Variants in SGCD observed in about 807,000 individuals in gnomAD.
The protein encoded by SGCD is delta-sarcoglycan.
In SGCD, 18 loss-of-function variants were observed where a neutral mutation model predicts 36.6. The ratio of observed to expected loss-of-function variants is 0.49; its 90% confidence interval spans 0.34 to 0.73. SGCD has a LOEUF of 0.73. SGCD is among the 30% of genes least tolerant of loss of function. The pLI, the probability that SGCD is intolerant of heterozygous loss-of-function variation, is 0.01. For synonymous variants in SGCD, 133 were observed against 130.6 expected (o/e 1.02, Z -0.12); for missense variants, 387 against 346.7 (o/e 1.12, Z -0.92).
chr5:155,889,698 C>G (rs1756081144), intron 1 of SGCD, among the ~76,000 whole-genome samples: 1 of 152,236 alleles, frequency 6.6e-6, no homozygotes, highest in African/African-American at 2.4e-5. Flanking sequence ...GGGACCTGCT[C>G]TCTTATTCAC....
chr5:156,036,288 C>T (rs1759494646), intron 1 of SGCD, among the ~76,000 whole-genome samples: 1 of 152,174 alleles, frequency 6.6e-6, no homozygotes, highest in African/African-American at 2.4e-5. Context: ...AAGATCCAAA[C>T]TCCTCAGTGG....
intron 1 of SGCD, among the ~76,000 whole-genome samples, chr5:155,911,736 G>A (rs949970665): frequency 1.3e-5 from 2 of 152,030 alleles, no homozygotes; most frequent in African/African-American, 4.8e-5. Flanking sequence ...ATATCTCCTA[G>A]AATTCTGAAA....
intron 3 of SGCD, among the ~76,000 whole-genome samples, chr5:156,245,598 C>T (rs1405058606): frequency 6.6e-6 from 1 of 151,930 alleles, no homozygotes; most frequent in Non-Finnish European, 1.5e-5. Flanking sequence ...ATTCACAAAC[C>T]ACTTTCAAAA....
At chr5:156,513,792 A>G (rs2127883846) in intron 4 of SGCD, among the ~76,000 whole-genome samples, 1 of 152,352 alleles carries the variant, frequency 6.6e-6, no homozygotes, top group East Asian at 1.9e-4. Flanking sequence ...GTTCATCTTT[A>G]TAAATATTTG....
At chr5:156,386,767 T>G (rs1223107891) in intron 3 of SGCD, among the ~76,000 whole-genome samples, 1 of 152,246 alleles carries the variant, frequency 6.6e-6, no homozygotes, top group African/African-American at 2.4e-5. Flanking sequence ...GCACAAGTGT[T>G]GGCTTTTTTG....
chr5:156,201,209 A>G (rs1413298973), intron 3 of SGCD, among the ~76,000 whole-genome samples: 1 of 152,188 alleles, frequency 6.6e-6, no homozygotes, highest in Non-Finnish European at 1.5e-5. Context: ...TGTGTACATA[A>G]AACAGTAAAT....
chr5:156,411,427 A>C (rs368183604), intron 3 of SGCD, among the ~76,000 whole-genome samples: 1 of 152,176 alleles, frequency 6.6e-6, no homozygotes, highest in East Asian at 1.9e-4. Context: ...GTCAAGTCCT[A>C]GTTCAGGGTT....
intron 1 of SGCD, among the ~76,000 whole-genome samples, chr5:156,008,055 C>T (rs926403494): frequency 3.3e-5 from 5 of 152,132 alleles, no homozygotes; most frequent in African/African-American, 1.2e-4. Flanking sequence ...TATTCACGTT[C>T]TCAGATGTTC....
intron 3 of SGCD, among the ~76,000 whole-genome samples, chr5:156,478,738 G>A (rs1755299849): frequency 1.3e-5 from 2 of 151,992 alleles, no homozygotes; most frequent in African/African-American, 2.4e-5. Flanking sequence ...GAGCCGCTAC[G>A]CCTAGCTAAT....
At chr5:156,733,533 C>T (rs190496120) in intron 7 of SGCD, among the ~76,000 whole-genome samples, 7 of 152,012 alleles carry the variant, frequency 4.6e-5, no homozygotes, top group South Asian at 2.1e-4. Flanking sequence ...CTATCAGGTC[C>T]GTGTAATTTA....
rs1266055975 is a variant in SGCD, at chr5:156,017,410, A to C, written c.-281-100468A>C. Among the ~76,000 whole-genome samples the C allele has an allele frequency of 2.6e-5, 4 of 152,002 alleles. No individual in the cohort carries two copies. In the East Asian group the frequency reaches 7.7e-4, roughly 29 times the overall value. ...TTGTAAATCATAGATAAAAACTTTT[A>C]TGTTTACCTAGGTTATAGAGGAATT... On this transcript the variant is annotated intron_variant, in intron 1 of 9. Transcript: ENST00000517913.
intron 3 of SGCD, among the ~76,000 whole-genome samples, chr5:156,399,165 A>G (rs756515800): frequency 6.6e-6 from 1 of 152,214 alleles, no homozygotes; most frequent in Non-Finnish European, 1.5e-5. Context: ...CAAAAGACAA[A>G]TATTTGCTGG....
intron 3 of SGCD, among the ~76,000 whole-genome samples, chr5:156,489,159 A>G (rs1032821351): frequency 6.6e-6 from 1 of 152,112 alleles, no homozygotes; most frequent in African/African-American, 2.4e-5. Context: ...AAAAGGATCA[A>G]TTCAGCAAGA....
At chr5:156,675,426 G>T (rs1373833740) in intron 7 of SGCD, among the ~76,000 whole-genome samples, 1 of 152,168 alleles carries the variant, frequency 6.6e-6, no homozygotes, top group Non-Finnish European at 1.5e-5. Flanking sequence ...GTCAGCAACA[G>T]GTTAATAGCC....
At position 156,122,717 on chromosome 5, in the gene SGCD, G is replaced by T. The variant is rs149610445; in HGVS notation, c.-207-1139G>T. Reference sequence around the variant, plus strand: ...GTCTGAGTGAGGTGGAAGGTTTTGAGCAGGGGAGTGTCATTCTCTTACATG... The same window carrying T: ...GTCTGAGTGAGGTGGAAGGTTTTGATCAGGGGAGTGTCATTCTCTTACATG... On this transcript the variant is annotated intron_variant, in intron 2 of 9. Coordinates refer to the SGCD transcript ENST00000517913. Among the ~76,000 whole-genome samples, 320 of 151,834 alleles carry T rather than the reference G, an allele frequency of 2.1e-3. 1 individual carries two copies. The highest frequency in any genetic ancestry group is 7.3e-3 in the African/African-American group (301 of 41,418).
At chr5:155,781,050 A>G in the SGCD span, among the ~76,000 whole-genome samples, 1 of 152,196 alleles carries the variant, frequency 6.6e-6, no homozygotes, top group Non-Finnish European at 1.5e-5. Context: ...TTCTTTCAGA[A>G]GTCAAGTGAG....
intron 2 of SGCD, among the ~76,000 whole-genome samples, chr5:156,121,980 G>A (rs1762052637): frequency 6.6e-6 from 1 of 152,198 alleles, no homozygotes; most frequent in South Asian, 2.1e-4. Flanking sequence ...TAGTTTTGGG[G>A]CTTTTGTTTG....
At chr5:155,890,186 T>A (rs182069715) in intron 1 of SGCD, among the ~76,000 whole-genome samples, 1 of 152,096 alleles carries the variant, frequency 6.6e-6, no homozygotes, top group Non-Finnish European at 1.5e-5. Flanking sequence ...ACAACCACCA[T>A]GAAGAAACAG....
Position 156,767,589 on chromosome 5 carries a change from G to A in SGCD, c.*8199G>A, listed in dbSNP as rs1158003810. ...TGGTTTTGGGTGTGATGTAAGAAGA[G>A]CTTTTTAGTTTTGTTTTGAATAACA... On this transcript the variant is annotated 3_prime_UTR_variant, in exon 9 of 9. Transcript: ENST00000337851. 6.6e-6 allele frequency: 1 copy of A among 151,806 alleles called. No individual in the cohort carries two copies. 9.4% of individuals were successfully genotyped at this position (151,806 alleles called of 1,614,324 possible).
Sources: gnomAD v4.1 joint callset for allele counts (sites outside exome capture counted in the v4.1 genomes callset) on GRCh38, gnomAD v4.1.1 for gene constraint, MANE v1.5 for transcripts, NCBI Gene and HGNC (gene_info 2026-07-23, HGNC 2026-07-21) for gene names.